BTBD9: variants seen among roughly 807,000 people sequenced by gnomAD.
BTBD9 encodes the protein BTB/POZ domain-containing protein 9.
A neutral mutation model predicts 64.3 loss-of-function variants in BTBD9; 49 were observed. The observed-to-expected ratio is 0.76, with a 90% confidence interval of 0.61 to 0.97. The LOEUF (loss-of-function observed/expected upper bound fraction) is 0.97. BTBD9 is among the 50% of genes least tolerant of loss of function. The probability of loss-of-function intolerance (pLI) is 0.00; values close to 1 mark genes in which losing one functional copy is unlikely to be tolerated. For synonymous variants in BTBD9, 260 were observed against 274.7 expected (o/e 0.95, Z 0.53); for missense variants, 598 against 762.1 (o/e 0.78, Z 2.53).
At chr6:38,276,554 T>C (rs1761265882) in intron 8 of BTBD9, among the ~76,000 whole-genome samples, 1 of 152,132 alleles carries the variant, frequency 6.6e-6, no homozygotes, top group Admixed American at 6.6e-5. Context: ...CAGACTGTAT[T>C]TGTACTTCTT....
At chr6:38,457,914 ATAAGTGCTTAC>A in intron 6 of BTBD9, among the ~76,000 whole-genome samples, 1 of 152,288 alleles carries the variant, frequency 6.6e-6, no homozygotes, top group African/African-American at 2.4e-5. Context: ...CTGATACTTA[ATAAGTGCTTAC>A]TAAGTGTTGC....
chr6:38,296,814 G>A (rs947879637), intron 7 of BTBD9, among the ~76,000 whole-genome samples: 2 of 152,006 alleles, frequency 1.3e-5, no homozygotes, highest in African/African-American at 4.8e-5. Context: ...TTTTCAAGTT[G>A]TCTTTCTGTT....
intron 6 of BTBD9, among the ~76,000 whole-genome samples, chr6:38,529,082 G>C (rs1167497824): frequency 1.3e-5 from 2 of 152,124 alleles, no homozygotes; most frequent in Admixed American, 6.5e-5. Context: ...ACTCAGGACT[G>C]GCAGCATTCA....
intron 6 of BTBD9, among the ~76,000 whole-genome samples, chr6:38,456,383 G>T (rs923791610): frequency 6.6e-6 from 1 of 152,170 alleles, no homozygotes; most frequent in Non-Finnish European, 1.5e-5. Flanking sequence ...TGAAATGGTG[G>T]TATCATATGG....
At chr6:38,340,930 G>C (rs1437955954) in intron 7 of BTBD9, among the ~76,000 whole-genome samples, 1 of 152,102 alleles carries the variant, frequency 6.6e-6, no homozygotes, top group Non-Finnish European at 1.5e-5. Context: ...TCTGATTAAG[G>C]CTCTATCTAA....
At chr6:38,454,140 A>G (rs1769681661) in intron 6 of BTBD9, among the ~76,000 whole-genome samples, 1 of 152,218 alleles carries the variant, frequency 6.6e-6, no homozygotes, top group African/African-American at 2.4e-5. Flanking sequence ...CACTTGAACA[A>G]TGGACTGTTA....
intron 6 of BTBD9, among the ~76,000 whole-genome samples, chr6:38,387,010 G>T (rs1033691906): frequency 6.6e-6 from 1 of 151,920 alleles, no homozygotes; most frequent in African/African-American, 2.4e-5. Flanking sequence ...TTCCCCATTT[G>T]GCCAAAATGT....
At chr6:38,559,056 T>C (rs551762009) in intron 6 of BTBD9, among the ~76,000 whole-genome samples, 1 of 152,254 alleles carries the variant, frequency 6.6e-6, no homozygotes, top group East Asian at 1.9e-4. Flanking sequence ...TTTGTTTGTT[T>C]TGGTTGCTAA....
At chr6:38,462,569 G>A (rs74968866) in intron 6 of BTBD9, among the ~76,000 whole-genome samples, 8,212 of 152,024 alleles carry the variant, frequency 0.054, 474 homozygotes, top group African/African-American at 0.14. Context: ...TCAGGTAAAC[G>A]TTAAGTCACT....
chr6:38,378,214 A>G (rs1765773233), intron 6 of BTBD9, among the ~76,000 whole-genome samples: 1 of 151,886 alleles, frequency 6.6e-6, no homozygotes, highest in African/African-American at 2.4e-5. Context: ...CTCCTCATGA[A>G]GAACATCTAA....
At chr6:38,214,776 T>C (rs1212067849) in intron 9 of BTBD9, among the ~76,000 whole-genome samples, 1 of 152,176 alleles carries the variant, frequency 6.6e-6, no homozygotes, top group Non-Finnish European at 1.5e-5. Context: ...AGGGCTAAGA[T>C]ATCAAGCAAT....
At position 38,475,783 on chromosome 6, in the gene BTBD9, C is replaced by T. The variant is rs558749553; in HGVS notation, c.1154+101817G>A. Among the ~76,000 whole-genome samples, 441 of 152,238 alleles carry T rather than the reference C, an allele frequency of 2.9e-3. 4 individuals carry two copies. Among genetic ancestry groups the T allele is most frequent in the Non-Finnish European group, 4.2e-3 (283 of 68,014 alleles). ...CTGCCATACTTCCCAGTTTGAACCA[C>T]GGACTGATAGGGCAGGGAAGAGAAG... On this transcript the variant is annotated intron_variant, in intron 6 of 10. Coordinates refer to ENST00000481247, the MANE Select transcript of BTBD9 (RefSeq NM_001099272.2).
At chr6:38,591,983 G>C (rs773991965) in intron 4 of BTBD9, among the ~76,000 whole-genome samples, 20 of 152,092 alleles carry the variant, frequency 1.3e-4, no homozygotes, top group Non-Finnish European at 2.8e-4. Context: ...TCAGGAGTTT[G>C]AGACCAGCCT....
At chr6:38,430,868 A>G (rs1191079343) in intron 6 of BTBD9, among the ~76,000 whole-genome samples, 1 of 151,842 alleles carries the variant, frequency 6.6e-6, no homozygotes. Context: ...CTATCAATTA[A>G]TCCTGTGCCA....
At chr6:38,439,870 C>T (rs1352223710) in intron 6 of BTBD9, among the ~76,000 whole-genome samples, 1 of 152,088 alleles carries the variant, frequency 6.6e-6, no homozygotes, top group Non-Finnish European at 1.5e-5. Flanking sequence ...TGGAAATATT[C>T]TGAAGGTAAG....
chr6:38,313,101 C>T (rs950818471), intron 7 of BTBD9, among the ~76,000 whole-genome samples: 1 of 152,084 alleles, frequency 6.6e-6, no homozygotes, highest in African/African-American at 2.4e-5. Context: ...TTATAGTTTT[C>T]ATTGTAGAAA....
chr6:38,479,789 C>T (rs952788352), intron 6 of BTBD9, among the ~76,000 whole-genome samples: 1 of 152,142 alleles, frequency 6.6e-6, no homozygotes, highest in African/African-American at 2.4e-5. Flanking sequence ...AGTGCAGTGG[C>T]GTGATCTCGG....
chr6:38,353,798 G>C (rs1448296925), intron 6 of BTBD9, among the ~76,000 whole-genome samples: 1 of 152,118 alleles, frequency 6.6e-6, no homozygotes, highest in African/African-American at 2.4e-5. Context: ...TTGTGAACTA[G>C]AGAAAAAGCA....
chr6:38,469,222 C>T (rs1770524654), intron 6 of BTBD9, among the ~76,000 whole-genome samples: 1 of 151,802 alleles, frequency 6.6e-6, no homozygotes, highest in African/African-American at 2.4e-5. Flanking sequence ...CCCTCAGCTC[C>T]AAATAAAAGT....
Sources: allele counts gnomAD v4.1 joint callset (sites outside exome capture counted in the v4.1 genomes callset), GRCh38; gene constraint gnomAD v4.1.1; transcripts MANE v1.5; gene names NCBI Gene and HGNC (gene_info 2026-07-23, HGNC 2026-07-21).